ARSK: variants seen among roughly 807,000 people sequenced by gnomAD.
ARSK encodes arylsulfatase K.
ARSK carries 37 observed loss-of-function variants against 53.2 expected under a neutral mutation model. The ratio of observed to expected loss-of-function variants is 0.70; its 90% CI spans 0.54 to 0.92. The LOEUF (loss-of-function observed/expected upper bound fraction) is 0.92, where lower values mean the gene tolerates loss of function less well. Among genes scored for constraint, ARSK ranks in the 40% least tolerant of loss-of-function variants. ARSK has a pLI of 0.00. For missense variants in ARSK, 613 were observed against 643.0 expected, an observed-to-expected ratio of 0.95 and a Z score of 0.51; for synonymous variants, 208 against 223.2, an observed-to-expected ratio of 0.93 and a Z score of 0.61.
chr5:95,566,232 A>C, intron 2 of ARSK, 105 bp downstream of exon 2: 1 of 1,384,814 alleles, frequency 7.2e-7, no homozygotes, highest in Non-Finnish European at 9.8e-7. Context: ...ATTTGGCCTC[A>C]ATAAAATTGT....
intron 6 of ARSK, among the ~76,000 whole-genome samples, chr5:95,591,925 T>C (rs1749225337): frequency 1.3e-5 from 2 of 152,234 alleles, no homozygotes; most frequent in Admixed American, 6.5e-5. Flanking sequence ...ATATGATTTG[T>C]ACATCATTTG....
intron 3 of ARSK, among the ~76,000 whole-genome samples, chr5:95,578,362 T>G (rs1323409383): frequency 1.3e-5 from 2 of 151,372 alleles, no homozygotes; most frequent in African/African-American, 2.4e-5. Context: ...CTCACTATGT[T>G]GCCCTGACTG....
Position 95,555,214 on chromosome 5 carries a change from C to T in ARSK, c.-65C>T. 1 of 1,494,644 alleles carries T rather than the reference C, an allele frequency of 6.7e-7. No homozygotes were observed. Among genetic ancestry groups the T allele is most frequent in the South Asian group, 1.1e-5 (1 of 88,080 alleles). 92.6% of individuals were successfully genotyped at this position (1,494,644 alleles called of 1,614,324 possible). The stretch of plus-strand genomic sequence containing the variant: ...TGTTCGCTGTCCCTGCCCTGCTCTG[C>T]TAGGGAGAGAACGCCAGAGGGAGGC... On this transcript the variant is annotated 5_prime_UTR_variant, in exon 1 of 8. Transcript: ENST00000380009. The surrounding 1 kb of genome is among the most constrained non-coding windows in gnomAD (Gnocchi z 4.0).
chr5:95,555,326 A>G lies in ARSK; in HGVS notation c.48A>G (p.Val16=), dbSNP rs1446799892. 3 of 1,608,158 alleles carry G rather than the reference A, an allele frequency of 1.9e-6. No homozygotes were observed. Among genetic ancestry groups the G allele is most frequent in the African/African-American group, 1.3e-5 (1 of 74,816 alleles). Residue 16 remains valine, a synonymous_variant, in exon 1 of 8, where the codon GTA becomes GTG. Transcript: ENST00000380009. The surrounding 1 kb of genome is among the most constrained non-coding windows in gnomAD (Gnocchi z 4.0). ...VSVVAALALA[V]LAPGAGEQRR... is the part of the protein sequence containing the mutation. ...TGGTCGCAGCCTTGGCGCTGGCGGT[A>G]CTGGCCCCCGGAGCAGGGGAGCAGA...
chr5:95,591,349 A>G, intron 5 of ARSK, 52 bp from the exon 6 acceptor site: 2 of 1,457,600 alleles, frequency 1.4e-6, no homozygotes, highest in Non-Finnish European at 1.9e-6. Context: ...AATGTGATAG[A>G]ATAAAACATG....
chr5:95,604,961 T>C lies in ARSK; in HGVS notation c.*1435T>C, dbSNP rs1749482251. The C allele has an allele frequency of 6.6e-6, 1 of 152,268 alleles. No homozygotes were observed. The highest frequency in any genetic ancestry group is 1.5e-5 in the Non-Finnish European group (1 of 68,054). The allele number at this position is 152,268 out of a possible 1,614,324, so 9.4% of individuals were successfully genotyped here. On this transcript the variant is annotated 3_prime_UTR_variant, in exon 8 of 8. Coordinates refer to ENST00000380009, the MANE Select transcript of ARSK (RefSeq NM_198150.3). ...TTGACTTTGTTCTGGTATTTTTTGA[T>C]ATGTAGAAATTTTTATTTTCATGTA...
chr5:95,591,359 G>T, intron 5 of ARSK, 42 bp from the exon 6 acceptor site: 1 of 1,498,866 alleles, frequency 6.7e-7, no homozygotes, highest in South Asian at 1.1e-5. Flanking sequence ...AATAAAACAT[G>T]AACTGAAAGT....
In ARSK at chr5:95,582,877, A is replaced by G. The variant is rs746114574; in HGVS notation, c.417-39A>G. The G allele has an allele frequency of 1.9e-5, 29 of 1,506,236 alleles. No individual in the cohort carries two copies. The South Asian group carries it at 4.1e-4, about 21-fold the overall frequency. The allele number at this position is 1,506,236 out of a possible 1,614,324, so 93.3% of individuals were successfully genotyped here. A position where few individuals can be genotyped will look rare whatever the true frequency, so the allele number is the denominator to read the frequency against. ...GCTTAGTATGTTTTTAAAACTTTTTAATATACCTGACAATATATGTGTCTT... is the reference window on the plus strand; with the variant it reads ...GCTTAGTATGTTTTTAAAACTTTTTGATATACCTGACAATATATGTGTCTT... On this transcript the variant is annotated intron_variant, in intron 3 of 7. Transcript: ENST00000380009.
rs539875603 is a variant in ARSK, at chr5:95,563,425, C to A, written c.127-2573C>A. Among the ~76,000 whole-genome samples the A allele has an allele frequency of 2.6e-5, 4 of 152,276 alleles. No homozygotes were observed. In the South Asian group the frequency reaches 8.3e-4, roughly 32 times the overall value. ...CTGAATATTTGCATACCGCTCACTG[C>A]CTTATATATATCTCAGACAGCAATC... On this transcript the variant is annotated intron_variant, in intron 1 of 7. Coordinates refer to ENST00000380009, the MANE Select transcript of ARSK (RefSeq NM_198150.3).
chr5:95,568,079 G>C (rs751090004), intron 3 of ARSK, 30 bp downstream of exon 3: 3 of 1,607,284 alleles, frequency 1.9e-6, no homozygotes, highest in Non-Finnish European at 2.6e-6. Flanking sequence ...AATCATCATG[G>C]ACTGCCCTCT....
chr5:95,577,995 T>C (rs1339598664), intron 3 of ARSK, among the ~76,000 whole-genome samples: 2 of 152,228 alleles, frequency 1.3e-5, no homozygotes, highest in Admixed American at 1.3e-4. Context: ...TTAAATAACG[T>C]ATATTTTAAA....
At chr5:95,566,716 G>GA (rs1278906047) in intron 2 of ARSK, among the ~76,000 whole-genome samples, 1 of 152,042 alleles carries the variant, frequency 6.6e-6, no homozygotes. Context: ...TAACAAATAG[G>GA]AAAAAACTGC....
At chr5:95,568,602 T>C (rs1251917415) in intron 3 of ARSK, among the ~76,000 whole-genome samples, 1 of 152,224 alleles carries the variant, frequency 6.6e-6, no homozygotes, top group Non-Finnish European at 1.5e-5. Context: ...CACTGTACTT[T>C]AATTTCTTTG....
chr5:95,555,273 C>G lies in ARSK; in HGVS notation c.-6C>G. 1.9e-6 allele frequency: 3 copies of G among 1,593,918 alleles called. No individual in the cohort carries two copies. The highest frequency in any genetic ancestry group is 2.6e-6 in the Non-Finnish European group (3 of 1,175,584). ...CGGCGGCAGGCTCTCAGAACCGCTA[C>G]CGGCGATGCTACTGCTGTGGGTGTC... On this transcript the variant is annotated 5_prime_UTR_variant, in exon 1 of 8. Transcript: ENST00000380009. The surrounding 1 kb of genome is among the most constrained non-coding windows in gnomAD (Gnocchi z 4.0).
At chr5:95,601,163 A>G (rs1309966117) in intron 7 of ARSK, 92 bp downstream of exon 7, 6 of 1,170,290 alleles carry the variant, frequency 5.1e-6, no homozygotes, top group Non-Finnish European at 7.4e-6. Context: ...TCCTTGTTAA[A>G]TAAATGAATA....
chr5:95,564,845 C>G (rs1748701437), intron 1 of ARSK, among the ~76,000 whole-genome samples: 1 of 152,154 alleles, frequency 6.6e-6, no homozygotes, highest in African/African-American at 2.4e-5. Flanking sequence ...CCTCTAGACC[C>G]TTTTCTTTCC....
At chr5:95,593,285 G>A (rs1749248004) in intron 6 of ARSK, among the ~76,000 whole-genome samples, 1 of 152,058 alleles carries the variant, frequency 6.6e-6, no homozygotes, top group East Asian at 1.9e-4. Flanking sequence ...ATGGAAAGCT[G>A]GGGTGATTCT....
chr5:95,590,340 T>C (rs1178475915), intron 5 of ARSK, among the ~76,000 whole-genome samples: 1 of 152,066 alleles, frequency 6.6e-6, no homozygotes, highest in African/African-American at 2.4e-5. Context: ...AACGTAAAGG[T>C]CTAGCAGGTA....
intron 6 of ARSK, among the ~76,000 whole-genome samples, chr5:95,597,215 CTT>C (rs1749323838): frequency 6.6e-6 from 1 of 152,148 alleles, no homozygotes; most frequent in Non-Finnish European, 1.5e-5. Context: ...CTGTAATAGT[CTT>C]TCTGTAAAAC....
Sources: allele counts gnomAD v4.1 joint callset (sites outside exome capture counted in the v4.1 genomes callset), GRCh38; gene constraint gnomAD v4.1.1; non-coding constraint Gnocchi (gnomAD v3.1); transcripts MANE v1.5; gene names NCBI Gene and HGNC (gene_info 2026-07-23, HGNC 2026-07-21).